The following STAT1 variants were observed in gnomAD, a reference collection of about 807,000 sequenced individuals.
The protein encoded by STAT1 is signal transducer and activator of transcription 1-alpha/beta.
In STAT1, 24 loss-of-function variants were observed where a neutral mutation model predicts 111.7. The observed-to-expected ratio is 0.21, with a 90% CI of 0.16 to 0.30. The LOEUF (loss-of-function observed/expected upper bound fraction) is 0.30. Among genes scored for constraint, STAT1 ranks in the 10% least tolerant of loss-of-function variants. The pLI is 1.00. For synonymous variants in STAT1, 332 were observed against 326.5 expected, an observed-to-expected ratio of 1.02 and a Z score of -0.18; for missense variants, 351 against 911.9, an observed-to-expected ratio of 0.38 and a Z score of 7.92.
rs1247782290 is a variant in STAT1 at position 190,986,100 on chromosome 2, G to T, written c.1222-440C>A. ...AATCCCTGAGCTGACGAGGGAGCAGGCTGGGGCCCTGAGGGCGGCTCTGAA... is the reference window on the plus strand; with the variant it reads ...AATCCCTGAGCTGACGAGGGAGCAGTCTGGGGCCCTGAGGGCGGCTCTGAA... On this transcript the variant is annotated intron_variant, in intron 14 of 24. Transcript: ENST00000361099. The surrounding 1 kb of genome is among the most constrained non-coding windows in gnomAD (Gnocchi z 5.0). 2.0e-5 allele frequency among the ~76,000 whole-genome samples: 3 copies of T among 152,226 alleles called. No individual in the cohort carries two copies. Among genetic ancestry groups the T allele is most frequent in the Non-Finnish European group, 4.4e-5 (3 of 68,042 alleles).
In STAT1 at chr2:190,997,312, T is replaced by C. The variant is rs1451631034; in HGVS notation, c.785+544A>G. Among the ~76,000 whole-genome samples the C allele has an allele frequency of 6.6e-6, 1 of 152,214 alleles. No homozygotes were observed. Among genetic ancestry groups the C allele is most frequent in the African/African-American group, 2.4e-5 (1 of 41,454 alleles). ...CCACAGAATTCTGATGGCCTTTTGC[T>C]AGAGCACCTGGATACTTTTACCACA... On this transcript the variant is annotated intron_variant, in intron 9 of 24. Coordinates refer to ENST00000361099, the MANE Select transcript of STAT1 (RefSeq NM_007315.4). This position sits in a 1 kb window ranked among gnomAD's most constrained non-coding sequence, Gnocchi z 7.3.
Position 190,983,564 on chromosome 2 carries a change from G to T in STAT1, c.1446+78C>A. The T allele has an allele frequency of 1.6e-6, 2 of 1,275,600 alleles. No homozygotes were observed. Among genetic ancestry groups the T allele is most frequent in the Non-Finnish European group, 1.1e-6 (1 of 872,758 alleles). The allele number at this position is 1,275,600 out of a possible 1,614,324, so 79.0% of individuals were successfully genotyped here. ...TTCTCCCTTAACAACTGGCCATTGG[G>T]GCTATTTCAGAGATGCAGCAGTGAG... On this transcript the variant is annotated intron_variant, in intron 17 of 24. Coordinates refer to ENST00000361099, the MANE Select transcript of STAT1 (RefSeq NM_007315.4). The surrounding 1 kb of genome is among the most constrained non-coding windows in gnomAD (Gnocchi z 5.7).
Position 190,978,845 on chromosome 2 carries a change from C to T in STAT1, c.1873+11G>A, listed in dbSNP as rs761906729. The T allele has an allele frequency of 1.2e-6, 2 of 1,613,720 alleles. No homozygotes were observed. The highest frequency in any genetic ancestry group is 2.2e-5 in the South Asian group (2 of 90,988). ...GGAATGGTGGGACTATGTGCTCAAA[C>T]TCCCACTCACCGCCTCCGTTCTGGG... On this transcript the variant is annotated intron_variant, in intron 21 of 24. Transcript: ENST00000361099. The surrounding 1 kb of genome is among the most constrained non-coding windows in gnomAD (Gnocchi z 6.1).
rs1190978207 is a variant in STAT1, at chr2:190,975,327, G to A, written c.2136-395C>T. ...ATCCCTACCTTGAGGTTTGAATGCA[G>A]ATAAAGCTGCTCCACACAGTGTTTT... On this transcript the variant is annotated intron_variant, in intron 23 of 24. Coordinates refer to ENST00000361099, the MANE Select transcript of STAT1 (RefSeq NM_007315.4). This position sits in a 1 kb window ranked among gnomAD's most constrained non-coding sequence, Gnocchi z 5.9. The A allele has an allele frequency of 2.1e-6, 1 of 481,962 alleles. No individual in the cohort carries two copies. The highest frequency in any genetic ancestry group is 4.2e-6 in the Non-Finnish European group (1 of 235,598). 29.9% of individuals were successfully genotyped at this position (481,962 alleles called of 1,614,324 possible).
In STAT1 at chr2:191,007,620, A is replaced by G. The variant is rs747159636; in HGVS notation, c.315T>C (p.Ile105=). 10 of 1,613,670 alleles carry G rather than the reference A, an allele frequency of 6.2e-6. No homozygotes were observed. The South Asian group carries it at 1.1e-4, about 18-fold the overall frequency. ...QEDPIQMSMI[I]YSCLKEERKI... ...TCCTTTCTTCCTTCAGACAGCTGTA[A>G]ATGATCATAGACATCTGGATTGGGT... is the stretch of plus-strand genomic sequence containing the variant. The change falls in exon 5 of 25, where the codon ATT becomes ATC. Residue 105 remains isoleucine (I), a synonymous_variant. Transcript: ENST00000361099. This position sits in a 1 kb window ranked among gnomAD's most constrained non-coding sequence, Gnocchi z 4.2.
chr2:190,974,970 TG>T lies in STAT1; in HGVS notation c.2136-39del. 1 of 1,467,288 alleles carries T rather than the reference TG, an allele frequency of 6.8e-7. No homozygotes were observed. Among genetic ancestry groups the T allele is most frequent in the South Asian group, 1.1e-5 (1 of 87,368 alleles). 90.9% of individuals were successfully genotyped at this position (1,467,288 alleles called of 1,614,324 possible). On this transcript the variant is annotated intron_variant, in intron 23 of 24. Transcript: ENST00000361099. The surrounding 1 kb of genome is among the most constrained non-coding windows in gnomAD (Gnocchi z 4.8). ...AAAAGAAAAGAGCAATGTCAACATC[TG>T]AGTGATGAAAGCACTAGTGCATACT...
intron 24 of STAT1, among the ~76,000 whole-genome samples, chr2:190,972,726 T>C (rs1309459678): frequency 6.6e-6 from 1 of 151,616 alleles, no homozygotes; most frequent in Non-Finnish European, 1.5e-5. Flanking sequence ...TCTTTTTCTT[T>C]TCTTTTCTTT....
At position 190,975,642 on chromosome 2, in the gene STAT1, A is replaced by AC; in HGVS notation, c.2135+169_2135+170insG. ...GGTTTTTGGCTTTTTTTTTTTTTTT[A>AC]AAGTAGTAAAATGCTGATAGGCAGT... On this transcript the variant is annotated intron_variant, in intron 23 of 24. Transcript: ENST00000361099. This position sits in a 1 kb window ranked among gnomAD's most constrained non-coding sequence, Gnocchi z 5.9. 1 of 1,279,640 alleles carries AC rather than the reference A, an allele frequency of 7.8e-7. No homozygotes were observed. Among genetic ancestry groups the AC allele is most frequent in the Non-Finnish European group, 1.0e-6 (1 of 989,396 alleles). The allele number at this position is 1,279,640 out of a possible 1,614,324, so 79.3% of individuals were successfully genotyped here. A position where few individuals can be genotyped will look rare whatever the true frequency, so the allele number is the denominator to read the frequency against.
Position 190,975,048 on chromosome 2 carries a change from T to C in STAT1, c.2136-116A>G. 1.1e-6 allele frequency: 1 copy of C among 889,984 alleles called. No homozygotes were observed. Among genetic ancestry groups the C allele is most frequent in the Non-Finnish European group, 1.8e-6 (1 of 545,278 alleles). The allele number at this position is 889,984 out of a possible 1,614,324, so 55.1% of individuals were successfully genotyped here. A position where few individuals can be genotyped will look rare whatever the true frequency, so the allele number is the denominator to read the frequency against. ...TGAATTATCACGTTATATTTTTATT[T>C]TGGGTAAGTGCATACACTTGTAAAA... On this transcript the variant is annotated intron_variant, in intron 23 of 24. Transcript: ENST00000361099. This position sits in a 1 kb window ranked among gnomAD's most constrained non-coding sequence, Gnocchi z 5.9.
chr2:190,995,022 C>G lies in STAT1; in HGVS notation c.944+39G>C, dbSNP rs1693742345. ...ACGGTAAAATGTTCCTCTGTATAGA[C>G]CGATTACAGAAGGTACAAATAAATG... On this transcript the variant is annotated intron_variant, in intron 10 of 24. Transcript: ENST00000361099. The surrounding 1 kb of genome is among the most constrained non-coding windows in gnomAD (Gnocchi z 4.2). The G allele has an allele frequency of 6.3e-7, 1 of 1,597,510 alleles. No homozygotes were observed.
At chr2:191,002,796 T>G (rs1262649569) in intron 5 of STAT1, among the ~76,000 whole-genome samples, 1 of 152,192 alleles carries the variant, frequency 6.6e-6, no homozygotes, top group Non-Finnish European at 1.5e-5. Flanking sequence ...TATATTTTTT[T>G]GTGTTAAAGA....
rs372477750 is a variant in STAT1, at chr2:190,994,943, TATATATATATATATAA to T, written c.944+102_944+117del. 66 of 239,024 alleles carry T rather than the reference TATATATATATATATAA, an allele frequency of 2.8e-4. 6 individuals are homozygous for T. The highest frequency in any genetic ancestry group is 9.1e-4 in the African/African-American group (31 of 34,118). The allele number at this position is 239,024 out of a possible 1,614,324, so 14.8% of individuals were successfully genotyped here. ...AAAAAAAAAAATATATATATATATA[TATATATATATATATAA>T]AAAACACCTATTAAACCCTTGTAAA... On this transcript the variant is annotated intron_variant, in intron 10 of 24. Coordinates refer to ENST00000361099, the MANE Select transcript of STAT1 (RefSeq NM_007315.4).
Position 190,976,958 on chromosome 2 carries a change from G to T in STAT1, c.1941C>A (p.Ile647=). The change falls in exon 22 of 25, where the codon ATC becomes ATA. Residue 647 remains isoleucine (I), a synonymous_variant. Coordinates refer to ENST00000361099, the MANE Select transcript of STAT1 (RefSeq NM_007315.4). The surrounding 1 kb of genome is among the most constrained non-coding windows in gnomAD (Gnocchi z 6.0). The part of the protein sequence containing the change: ...KELSAVTFPD[I]IRNYKVMAAE... ...CAGCCATGACTTTGTAATTGCGAAT[G>T]ATGTCAGGGAAAGTAACAGCAGAAA... 1 of 1,614,200 alleles carries T rather than the reference G, an allele frequency of 6.2e-7. No homozygotes were observed. Among genetic ancestry groups the T allele is most frequent in the Non-Finnish European group, 8.5e-7 (1 of 1,180,034 alleles).
rs41507345 is a variant in STAT1, at chr2:191,009,591, G to T, written c.128+285C>A. ...GATCCTAAGTTGGAAAATAATCGGT[G>T]TCAGTATTCCGTAACTTGTCCAAAG... On this transcript the variant is annotated intron_variant, in intron 3 of 24. Coordinates refer to ENST00000361099, the MANE Select transcript of STAT1 (RefSeq NM_007315.4). Among the ~76,000 whole-genome samples, 8,503 of 152,158 alleles carry T rather than the reference G, an allele frequency of 0.056. 303 individuals carry two copies. The highest frequency in any genetic ancestry group is 0.18 in the East Asian group (952 of 5,174).
In STAT1 at chr2:190,984,157, A is replaced by G. The variant is rs966643704; in HGVS notation, c.1347+153T>C. Reference sequence around the variant, plus strand: ...ATTCAATTGTCTAGCTTTCTGGACCATAAATTAAGGTTAAGATAGTATTAG... The same window carrying G: ...ATTCAATTGTCTAGCTTTCTGGACCGTAAATTAAGGTTAAGATAGTATTAG... On this transcript the variant is annotated intron_variant, in intron 16 of 24. Transcript: ENST00000361099. This position sits in a 1 kb window ranked among gnomAD's most constrained non-coding sequence, Gnocchi z 5.2. Among the ~76,000 whole-genome samples, 2 of 152,244 alleles carry G rather than the reference A, an allele frequency of 1.3e-5. No individual in the cohort carries two copies. Among genetic ancestry groups the G allele is most frequent in the South Asian group, 4.1e-4 (2 of 4,834 alleles).
rs1187686607 is a variant in STAT1, at chr2:190,980,369, G to C, written c.1632+251C>G. Among the ~76,000 whole-genome samples the C allele has an allele frequency of 6.6e-6, 1 of 152,252 alleles. No homozygotes were observed. Among genetic ancestry groups the C allele is most frequent in the East Asian group, 1.9e-4 (1 of 5,198 alleles). ...ACACTGCTGGGCAGGGGTCCAGCGT[G>C]AGTGAACAGAAGCCTCATTTCAGAT... is the stretch of plus-strand genomic sequence containing the variant. On this transcript the variant is annotated intron_variant, in intron 19 of 24. Coordinates refer to ENST00000361099, the MANE Select transcript of STAT1 (RefSeq NM_007315.4). This position sits in a 1 kb window ranked among gnomAD's most constrained non-coding sequence, Gnocchi z 6.1.
rs1162170592 is a variant in STAT1, at chr2:190,978,122, T to C, written c.1873+734A>G. Among the ~76,000 whole-genome samples, 1 of 152,100 alleles carries C rather than the reference T, an allele frequency of 6.6e-6. No homozygotes were observed. Among genetic ancestry groups the C allele is most frequent in the Non-Finnish European group, 1.5e-5 (1 of 68,024 alleles). ...AAAAATAAATAGAACAAGAAGAGTATTCCATTTTGTGTCTACCCACTGAAA... is the reference window on the plus strand; with the variant it reads ...AAAAATAAATAGAACAAGAAGAGTACTCCATTTTGTGTCTACCCACTGAAA... On this transcript the variant is annotated intron_variant, in intron 21 of 24. Coordinates refer to ENST00000361099, the MANE Select transcript of STAT1 (RefSeq NM_007315.4). This position sits in a 1 kb window ranked among gnomAD's most constrained non-coding sequence, Gnocchi z 6.1.
chr2:191,008,783 T>C (rs547098873), intron 4 of STAT1, among the ~76,000 whole-genome samples, 180 bp downstream of exon 4: 1 of 152,364 alleles, frequency 6.6e-6, no homozygotes, highest in South Asian at 2.1e-4. Context: ...ATAAAATAAA[T>C]TGGTATCTTA....
At position 190,995,706 on chromosome 2, in the gene STAT1, C is replaced by G. The variant is rs922468170; in HGVS notation, c.786-487G>C. 9.2e-5 allele frequency among the ~76,000 whole-genome samples: 14 copies of G among 152,204 alleles called. No individual in the cohort carries two copies. The highest frequency in any genetic ancestry group is 3.4e-4 in the African/African-American group (14 of 41,436). On this transcript the variant is annotated intron_variant, in intron 9 of 24. Transcript: ENST00000361099. This position sits in a 1 kb window ranked among gnomAD's most constrained non-coding sequence, Gnocchi z 4.2. ...AAAATGTCACCTAGGATGCCATGCT[C>G]TGCCCTCTAGGGAAAAACAAAGGGA...
Sources: gnomAD v4.1 joint callset for allele counts (sites outside exome capture counted in the v4.1 genomes callset) on GRCh38, gnomAD v4.1.1 for gene constraint, Gnocchi (gnomAD v3.1) non-coding constraint, MANE v1.5 for transcripts, NCBI Gene and HGNC (gene_info 2026-07-23, HGNC 2026-07-21) for gene names.